SGCZ: variants seen among roughly 807,000 people sequenced by gnomAD.
SGCZ encodes the protein zeta-sarcoglycan.
SGCZ carries 40 observed loss-of-function variants against 41.3 expected under a neutral mutation model. The ratio of observed to expected loss-of-function variants is 0.97; its 90% CI spans 0.75 to 1.26. The LOEUF (loss-of-function observed/expected upper bound fraction) is 1.26, where lower values mean the gene tolerates loss of function less well. Among genes scored for constraint, SGCZ ranks in the 50% most tolerant of loss-of-function variants. The pLI is 0.00. For synonymous variants in SGCZ, 206 were observed against 137.5 expected (o/e 1.50, Z -3.49); for missense variants, 552 against 369.8 (o/e 1.49, Z -4.04).
At chr8:14,621,875 G>T (rs1465385247) in intron 1 of SGCZ, among the ~76,000 whole-genome samples, 1 of 151,996 alleles carries the variant, frequency 6.6e-6, no homozygotes, top group African/African-American at 2.4e-5. Flanking sequence ...TAGACTAAGT[G>T]GAGTCTCTCC....
intron 2 of SGCZ, among the ~76,000 whole-genome samples, chr8:14,376,936 G>C (rs1231663200): frequency 6.6e-6 from 1 of 152,132 alleles, no homozygotes; most frequent in Non-Finnish European, 1.5e-5. Flanking sequence ...TTTAGTCTTT[G>C]TTCCTAGTTT....
rs577166602 is a variant in SGCZ, at chr8:15,129,713, A to ACAAAC, written c.39+107871_39+107872insGTTTG. On this transcript the variant is annotated intron_variant, in intron 1 of 7. Coordinates refer to ENST00000382080, the MANE Select transcript of SGCZ (RefSeq NM_139167.4). ...AAAGTCAGAGAAGCATTTGCAAAAA[A>ACAAAC]AAAAAAAAAAAATCACAGTTCTTCC... is the stretch of plus-strand genomic sequence containing the variant. Among the ~76,000 whole-genome samples, 39 of 151,410 alleles carry ACAAAC rather than the reference A, an allele frequency of 2.6e-4. 1 individual carries two copies. Among genetic ancestry groups the ACAAAC allele is most frequent in the South Asian group, 2.3e-3 (11 of 4,746 alleles).
intron 1 of SGCZ, among the ~76,000 whole-genome samples, chr8:14,797,257 A>T (rs1320279734): frequency 6.6e-6 from 1 of 152,118 alleles, no homozygotes; most frequent in African/African-American, 2.4e-5. Context: ...GATTTAGAAA[A>T]GTTTGGAACT....
In SGCZ at chr8:14,131,748, A is replaced by G. The variant is rs191004041; in HGVS notation, c.548-23513T>C. Among the ~76,000 whole-genome samples the G allele has an allele frequency of 2.6e-3, 402 of 152,344 alleles. 1 individual carries two copies. Among genetic ancestry groups the G allele is most frequent in the African/African-American group, 9.0e-3 (376 of 41,582 alleles). The stretch of plus-strand genomic sequence containing the variant: ...AACAGATAACATTTTAGTCAGCAAC[A>G]GATAACATATATGACAGCGATCCCT... On this transcript the variant is annotated intron_variant, in intron 5 of 7. Transcript: ENST00000382080.
At chr8:14,754,791 T>C (rs1486079971) in intron 1 of SGCZ, among the ~76,000 whole-genome samples, 2 of 152,166 alleles carry the variant, frequency 1.3e-5, no homozygotes, top group Non-Finnish European at 2.9e-5. Flanking sequence ...CACTGCAACC[T>C]TCCTGGGCTC....
At chr8:14,634,627 G>C (rs7831034) in intron 1 of SGCZ, among the ~76,000 whole-genome samples, 50,730 of 151,580 alleles carry the variant, frequency 0.33, 8,800 homozygotes, top group East Asian at 0.63. Flanking sequence ...CCTTGAAGGA[G>C]TAAAACCACT....
intron 1 of SGCZ, among the ~76,000 whole-genome samples, chr8:14,896,755 G>T (rs1279883127): frequency 2.6e-5 from 4 of 151,874 alleles, no homozygotes; most frequent in African/African-American, 4.8e-5. Flanking sequence ...GGGATTACAG[G>T]CGTGGGCCAC....
intron 1 of SGCZ, among the ~76,000 whole-genome samples, chr8:15,149,828 G>A (rs541739982): frequency 1.3e-5 from 2 of 151,610 alleles, no homozygotes; most frequent in East Asian, 1.9e-4. Flanking sequence ...TAATAACCAC[G>A]GAAGTGTCCA....
chr8:15,048,774 A>G (rs1804407952), intron 1 of SGCZ, among the ~76,000 whole-genome samples: 3 of 152,142 alleles, frequency 2.0e-5, no homozygotes, highest in Non-Finnish European at 4.4e-5. Flanking sequence ...TTTTATATAT[A>G]GACATATTTA....
intron 1 of SGCZ, among the ~76,000 whole-genome samples, chr8:14,715,192 A>G (rs1809648593): frequency 6.6e-6 from 1 of 152,170 alleles, no homozygotes; most frequent in Non-Finnish European, 1.5e-5. Context: ...CTTTTGGTTG[A>G]GAGTGAATAC....
intron 2 of SGCZ, among the ~76,000 whole-genome samples, chr8:14,377,208 A>G (rs547682662): frequency 4.4e-4 from 67 of 152,308 alleles, no homozygotes; most frequent in African/African-American, 1.6e-3. Flanking sequence ...ACCAAGAGCC[A>G]ATGATGTAAT....
intron 1 of SGCZ, among the ~76,000 whole-genome samples, chr8:14,778,774 G>A (rs1471905928): frequency 6.6e-6 from 1 of 152,134 alleles, no homozygotes. Context: ...AACACAGTGA[G>A]ATATAATTTA....
intron 4 of SGCZ, among the ~76,000 whole-genome samples, chr8:14,171,696 ATCTTT>A (rs1400299007): frequency 1.3e-5 from 2 of 152,048 alleles, no homozygotes; most frequent in African/African-American, 4.8e-5. Context: ...AAGAGTTTCT[ATCTTT>A]TCTTGAGTAC....
chr8:14,693,220 C>G (rs955105583), intron 1 of SGCZ, among the ~76,000 whole-genome samples: 4 of 151,998 alleles, frequency 2.6e-5, no homozygotes, highest in Admixed American at 6.6e-5. Context: ...ATATTCTAAT[C>G]TGTTAAAATG....
At chr8:14,434,764 G>C (rs1014203098) in intron 2 of SGCZ, among the ~76,000 whole-genome samples, 7 of 152,066 alleles carry the variant, frequency 4.6e-5, no homozygotes, top group South Asian at 2.1e-4. Context: ...TTGATTCTCA[G>C]CTTGGTCACT....
chr8:14,733,794 A>T (rs1325574390), intron 1 of SGCZ, among the ~76,000 whole-genome samples: 2 of 152,190 alleles, frequency 1.3e-5, no homozygotes, highest in African/African-American at 4.8e-5. Flanking sequence ...GGTTAATTTT[A>T]ACTCAGTTGT....
At chr8:14,737,827 G>T (rs575215667) in intron 1 of SGCZ, among the ~76,000 whole-genome samples, 1 of 152,100 alleles carries the variant, frequency 6.6e-6, no homozygotes, top group African/African-American at 2.4e-5. Flanking sequence ...ACATATTGAG[G>T]CACTATGAGT....
rs531540412 is a variant in SGCZ at position 15,068,896 on chromosome 8, G to C, written c.39+168689C>G. ...GTCCAACATTTCTGTATAGTATTAA[G>C]TTTATGTGGTCTGTGCTTCTACTAC... On this transcript the variant is annotated intron_variant, in intron 1 of 7. Coordinates refer to ENST00000382080, the MANE Select transcript of SGCZ (RefSeq NM_139167.4). Among the ~76,000 whole-genome samples, 6 of 152,210 alleles carry C rather than the reference G, an allele frequency of 3.9e-5. No individual in the cohort carries two copies. The South Asian group carries it at 1.2e-3, about 32-fold the overall frequency.
intron 2 of SGCZ, among the ~76,000 whole-genome samples, chr8:14,338,721 T>C (rs1170164468): frequency 2.6e-5 from 4 of 152,220 alleles, no homozygotes; most frequent in Non-Finnish European, 4.4e-5. Flanking sequence ...AACTTTCTTA[T>C]GAAATAGAGT....
Sources: gnomAD v4.1 joint callset for allele counts (sites outside exome capture counted in the v4.1 genomes callset) on GRCh38, gnomAD v4.1.1 for gene constraint, MANE v1.5 for transcripts, NCBI Gene and HGNC (gene_info 2026-07-23, HGNC 2026-07-21) for gene names.